HMCN1: variants seen among roughly 807,000 people sequenced by gnomAD.
HMCN1 encodes the protein hemicentin-1.
Under a neutral mutation model 625.9 loss-of-function variants are expected in HMCN1, and 321 were observed. The observed-to-expected ratio is 0.51, with a 90% CI of 0.47 to 0.56. The LOEUF (loss-of-function observed/expected upper bound fraction) is 0.56. HMCN1 is among the 20% of genes least tolerant of loss of function. The pLI, the probability that HMCN1 is intolerant of heterozygous loss-of-function variation, is 0.00. For missense variants in HMCN1, 6,588 were observed against 6,887.3 expected, an observed-to-expected ratio of 0.96 and a Z score of 1.54; for synonymous variants, 2,425 against 2,417.6, an observed-to-expected ratio of 1.00 and a Z score of -0.09.
chr1:185,987,496 A>T lies in HMCN1; in HGVS notation c.3000A>T (p.Leu1000Phe), dbSNP rs1231365508. Residue 1000 changes from leucine to phenylalanine, a missense_variant, in exon 20 of 107, where the codon TTA (leucine) becomes TTT (phenylalanine). By Grantham distance (22) the Leu-to-Phe change is conservative (BLOSUM62 0). Coordinates refer to ENST00000271588, the MANE Select transcript of HMCN1 (RefSeq NM_031935.3). ...CAATTGAAGGCATTCCAGTAACTTT[A>T]CCATGCAAAGCAAGTGGAAATCCCA... Reference protein sequence around the residue: ...LSTIEGIPVTLPCKASGNPKP... With the variant: ...LSTIEGIPVTFPCKASGNPKP... 1 of 1,614,006 alleles carries T rather than the reference A, an allele frequency of 6.2e-7. No homozygotes were observed. The highest frequency in any genetic ancestry group is 8.5e-7 in the Non-Finnish European group (1 of 1,179,820).
At chr1:185,735,958 C>T (rs1020700207) in intron 1 of HMCN1, among the ~76,000 whole-genome samples, 1 of 152,212 alleles carries the variant, frequency 6.6e-6, no homozygotes, top group Non-Finnish European at 1.5e-5. Flanking sequence ...GATTTCTTAA[C>T]AGTCCTCCCC....
chr1:185,759,515 G>A (rs1032010827), intron 1 of HMCN1, among the ~76,000 whole-genome samples: 8 of 152,138 alleles, frequency 5.3e-5, no homozygotes, highest in South Asian at 2.1e-4. Context: ...TCAAGGTCAC[G>A]ATGGCACCAT....
At chr1:185,752,909 A>T (rs1654908946) in intron 1 of HMCN1, among the ~76,000 whole-genome samples, 1 of 152,162 alleles carries the variant, frequency 6.6e-6, no homozygotes, top group Non-Finnish European at 1.5e-5. Context: ...AACTTCCTTT[A>T]TAAACCTAGA....
At chr1:185,759,082 G>A (rs1655318195) in intron 1 of HMCN1, among the ~76,000 whole-genome samples, 1 of 152,176 alleles carries the variant, frequency 6.6e-6, no homozygotes, top group South Asian at 2.1e-4. Context: ...AAAAGCAATA[G>A]CTGTACTAGA....
chr1:186,135,295 A>G (rs1413204200), intron 86 of HMCN1, among the ~76,000 whole-genome samples: 1 of 152,026 alleles, frequency 6.6e-6, no homozygotes, highest in Admixed American at 6.6e-5. Context: ...CCAGAATACC[A>G]TTTTTATCCT....
Position 186,090,921 on chromosome 1 carries a change from T to G in HMCN1, c.9887+4T>G, listed in dbSNP as rs746668370. ...GTGGTGAAACAGAAAGAATCCGGTA[T>G]GTTTAAAAATAATCTTTCCATTATA... On this transcript the variant is annotated splice_donor_region_variant and intron_variant, in intron 64 of 106. Coordinates refer to ENST00000271588, the MANE Select transcript of HMCN1 (RefSeq NM_031935.3). The G allele has an allele frequency of 3.0e-5, 49 of 1,611,078 alleles. No homozygotes were observed. The highest frequency in any genetic ancestry group is 4.1e-5 in the Non-Finnish European group (48 of 1,177,864).
At chr1:185,956,421 C>CTA (rs1649636420) in intron 11 of HMCN1, among the ~76,000 whole-genome samples, 1 of 152,154 alleles carries the variant, frequency 6.6e-6, no homozygotes, top group African/African-American at 2.4e-5. Context: ...GATTAATTTG[C>CTA]TAGAGTGGCT....
chr1:185,917,236 CT>C (rs1666760208), intron 6 of HMCN1, among the ~76,000 whole-genome samples: 1 of 152,088 alleles, frequency 6.6e-6, no homozygotes, highest in Non-Finnish European at 1.5e-5. Context: ...CTTTTCCTAA[CT>C]GAAAAGGTAC....
At chr1:185,984,706 T>G (rs745589147) in intron 19 of HMCN1, among the ~76,000 whole-genome samples, 1 of 152,212 alleles carries the variant, frequency 6.6e-6, no homozygotes, top group Non-Finnish European at 1.5e-5. Flanking sequence ...CCCTTTGTGC[T>G]TGAGCTAGAA....
intron 44 of HMCN1, 125 bp from the exon 45 acceptor site, chr1:186,055,268 C>A (rs1433813778): frequency 1.1e-6 from 1 of 904,948 alleles, no homozygotes; most frequent in Non-Finnish European, 1.7e-6. Context: ...AGTCCTGGGT[C>A]TTTTCTTTAG....
At chr1:185,798,439 T>C (rs912910680) in intron 1 of HMCN1, among the ~76,000 whole-genome samples, 2 of 152,154 alleles carry the variant, frequency 1.3e-5, no homozygotes, top group African/African-American at 4.8e-5. Context: ...ACTTGGGAAG[T>C]TTTCCTCAAC....
intron 11 of HMCN1, among the ~76,000 whole-genome samples, chr1:185,945,576 G>C (rs910325233): frequency 6.6e-6 from 1 of 152,182 alleles, no homozygotes; most frequent in South Asian, 2.1e-4. Context: ...CCATATTAGG[G>C]TGCTACCGGA....
chr1:186,184,599 A>G (rs1379369050), intron 105 of HMCN1, among the ~76,000 whole-genome samples: 2 of 152,226 alleles, frequency 1.3e-5, no homozygotes, highest in East Asian at 3.8e-4. Flanking sequence ...CACTGCATTT[A>G]AAATAAGTGC....
chr1:185,793,160 A>G (rs1461762863), intron 1 of HMCN1, among the ~76,000 whole-genome samples: 2 of 152,170 alleles, frequency 1.3e-5, no homozygotes, highest in Non-Finnish European at 2.9e-5. Context: ...GTTTTCTATT[A>G]TTGCTGTAAT....
chr1:186,162,517 C>A (rs920907757), intron 97 of HMCN1, among the ~76,000 whole-genome samples: 2 of 152,174 alleles, frequency 1.3e-5, no homozygotes, highest in Non-Finnish European at 2.9e-5. Flanking sequence ...AGTTTTTCTG[C>A]TCTGTTTTTT....
At chr1:185,757,551 A>C (rs557465966) in intron 1 of HMCN1, among the ~76,000 whole-genome samples, 2 of 152,248 alleles carry the variant, frequency 1.3e-5, no homozygotes, top group South Asian at 4.1e-4. Context: ...TGCTGCCCCT[A>C]ATTGTTCTCC....
intron 26 of HMCN1, among the ~76,000 whole-genome samples, chr1:186,000,559 ATGTGTGTGTGTGTG>A (rs68110596): frequency 1.4e-5 from 2 of 144,652 alleles, no homozygotes; most frequent in Non-Finnish European, 3.1e-5. Flanking sequence ...GTGTGTGTGT[ATGTGTGTGTGTGTG>A]TGTGTGTGTG....
chr1:185,898,115 G>T (rs1159923027), intron 4 of HMCN1, among the ~76,000 whole-genome samples: 1 of 152,162 alleles, frequency 6.6e-6, no homozygotes, highest in African/African-American at 2.4e-5. Context: ...AAGCTGGAAA[G>T]TGGTGGACCT....
intron 10 of HMCN1, among the ~76,000 whole-genome samples, chr1:185,931,986 C>T (rs985403000): frequency 1.3e-5 from 2 of 152,134 alleles, no homozygotes; most frequent in African/African-American, 2.4e-5. Flanking sequence ...ACAGGATGCC[C>T]AGTTAAATTT....
Sources: allele counts gnomAD v4.1 joint callset (sites outside exome capture counted in the v4.1 genomes callset), GRCh38; gene constraint gnomAD v4.1.1; transcripts MANE v1.5; gene names NCBI Gene and HGNC (gene_info 2026-07-23, HGNC 2026-07-21).